Variants in DCDC1 observed in about 807,000 individuals in gnomAD.
The protein encoded by DCDC1 is doublecortin domain-containing protein 1.
Under a neutral mutation model 178.3 loss-of-function variants are expected in DCDC1, and 200 were observed. That is an observed-to-expected ratio of 1.12 (90% CI 1.00 to 1.26). The LOEUF is 1.26. DCDC1 is among the 50% of genes most tolerant of loss of function. The pLI, the probability that DCDC1 is intolerant of heterozygous loss-of-function variation, is 0.00. For missense variants in DCDC1, 1,983 were observed against 1,749.2 expected (o/e 1.13, Z -2.38); for synonymous variants, 690 against 604.8 (o/e 1.14, Z -2.07).
intron 25 of DCDC1, among the ~76,000 whole-genome samples, chr11:30,919,976 G>A (rs909389632): frequency 6.6e-6 from 1 of 152,166 alleles, no homozygotes; most frequent in Non-Finnish European, 1.5e-5. Flanking sequence ...ACATTGCCAC[G>A]TACAGTCATT....
At chr11:30,892,597 A>G (rs1943882060) in intron 36 of DCDC1, among the ~76,000 whole-genome samples, 1 of 152,210 alleles carries the variant, frequency 6.6e-6, no homozygotes, top group Non-Finnish European at 1.5e-5. Context: ...CAAGTTGCCT[A>G]TTCAGATTCA....
chr11:31,103,566 T>C, intron 14 of DCDC1, 78 bp downstream of exon 14: 1 of 635,518 alleles, frequency 1.6e-6, no homozygotes, highest in Non-Finnish European at 2.8e-6. Flanking sequence ...GTTTCGAATC[T>C]CTTACTCTGA....
intron 17 of DCDC1, among the ~76,000 whole-genome samples, chr11:31,086,568 G>A (rs1957487902): frequency 6.6e-6 from 1 of 152,078 alleles, no homozygotes; most frequent in Non-Finnish European, 1.5e-5. Context: ...GTAACTTGTC[G>A]ATTTTTATTT....
intron 10 of DCDC1, among the ~76,000 whole-genome samples, chr11:31,137,172 A>C (rs1963235410): frequency 1.3e-5 from 2 of 152,098 alleles, no homozygotes; most frequent in Admixed American, 6.5e-5. Flanking sequence ...TTTTTCAGAA[A>C]ATTATATTTT....
At chr11:31,143,929 T>TTTGA (rs1964145951) in intron 9 of DCDC1, among the ~76,000 whole-genome samples, 1 of 152,164 alleles carries the variant, frequency 6.6e-6, no homozygotes, top group African/African-American at 2.4e-5. Context: ...ATGACGCTAC[T>TTTGA]TTGATCACAG....
chr11:30,867,071 A>T (rs891773902), intron 38 of DCDC1, among the ~76,000 whole-genome samples: 8 of 152,186 alleles, frequency 5.3e-5, no homozygotes, highest in African/African-American at 1.9e-4. Flanking sequence ...TGGGTTGGGC[A>T]TCCAAATGTA....
chr11:31,170,919 C>T (rs2136220481), intron 9 of DCDC1, among the ~76,000 whole-genome samples: 1 of 152,152 alleles, frequency 6.6e-6, no homozygotes, highest in South Asian at 2.1e-4. Context: ...AACCTTGCCT[C>T]CCGGGTTCAA....
intron 9 of DCDC1, among the ~76,000 whole-genome samples, chr11:31,216,680 T>C (rs946151784): frequency 6.6e-6 from 1 of 152,200 alleles, no homozygotes; most frequent in African/African-American, 2.4e-5. Context: ...CCTCCAGCCA[T>C]CCCAATGCTT....
chr11:31,214,487 G>A (rs969203183), intron 9 of DCDC1, among the ~76,000 whole-genome samples: 1 of 152,060 alleles, frequency 6.6e-6, no homozygotes, highest in Non-Finnish European at 1.5e-5. Context: ...ATTATCAGTG[G>A]GCCTGAGATG....
At chr11:31,207,157 G>T (rs536903710) in intron 9 of DCDC1, among the ~76,000 whole-genome samples, 1 of 152,168 alleles carries the variant, frequency 6.6e-6, no homozygotes, top group Admixed American at 6.6e-5. Flanking sequence ...GATAATAATA[G>T]AACCTGTAAA....
Position 30,999,698 on chromosome 11 carries a change from T to A in DCDC1, c.2592-47130A>T, listed in dbSNP as rs1397244369. On this transcript the variant is annotated intron_variant, in intron 20 of 38. Coordinates refer to ENST00000684477, the MANE Select transcript of DCDC1 (RefSeq NM_001387274.1). ...TAAGGAGTTTGGACAATGCGACTCT[T>A]ACACATCACTTCCATCTTAAAAAGG... 2.0e-5 allele frequency among the ~76,000 whole-genome samples: 3 copies of A among 152,018 alleles called. No individual in the cohort carries two copies. In the East Asian group the frequency reaches 5.8e-4, roughly 29 times the overall value.
intron 8 of DCDC1, among the ~76,000 whole-genome samples, chr11:31,263,651 G>A (rs1488604805): frequency 6.6e-6 from 1 of 152,180 alleles, no homozygotes; most frequent in East Asian, 1.9e-4. Context: ...GAAACAATAA[G>A]TATCAAACTA....
At chr11:31,207,825 C>A (rs2554051) in intron 9 of DCDC1, among the ~76,000 whole-genome samples, 13,936 of 152,148 alleles carry the variant, frequency 0.092, 1,754 homozygotes, top group African/African-American at 0.28. Context: ...CTCACCACAC[C>A]GTCCAAAGTG....
intron 20 of DCDC1, among the ~76,000 whole-genome samples, chr11:30,957,944 A>C (rs1482180391): frequency 6.6e-6 from 1 of 152,206 alleles, no homozygotes; most frequent in Admixed American, 6.5e-5. Flanking sequence ...TAATGGCAGA[A>C]GAACTCAAGC....
At chr11:30,936,072 T>C (rs1947258770) in intron 21 of DCDC1, among the ~76,000 whole-genome samples, 1 of 151,846 alleles carries the variant, frequency 6.6e-6, no homozygotes. Flanking sequence ...TCTTTCCAAG[T>C]CTTAATCAGC....
chr11:30,911,868 CT>C (rs1177120379), intron 27 of DCDC1, among the ~76,000 whole-genome samples: 2 of 152,134 alleles, frequency 1.3e-5, no homozygotes, highest in African/African-American at 2.4e-5. Flanking sequence ...CTGCACCCCC[CT>C]ATATGTTCCA....
chr11:31,333,014 CAA>C (rs1950081372), intron 2 of DCDC1, among the ~76,000 whole-genome samples: 1 of 152,164 alleles, frequency 6.6e-6, no homozygotes, highest in Non-Finnish European at 1.5e-5. Context: ...GTGTGAGAGT[CAA>C]AGTCTCTTTG....
intron 15 of DCDC1, among the ~76,000 whole-genome samples, chr11:31,098,512 T>G (rs1958297550): frequency 6.6e-6 from 1 of 152,296 alleles, no homozygotes; most frequent in Non-Finnish European, 1.5e-5. Flanking sequence ...AATAGGAAAT[T>G]TAAAAGAACA....
chr11:31,346,372 G>A (rs1389086733), intron 1 of DCDC1, among the ~76,000 whole-genome samples: 3 of 150,142 alleles, frequency 2.0e-5, no homozygotes, highest in African/African-American at 4.9e-5. Context: ...GCTGAGGCAG[G>A]AGAATTGCTT....
Sources: gnomAD v4.1 joint callset for allele counts (sites outside exome capture counted in the v4.1 genomes callset) on GRCh38, gnomAD v4.1.1 for gene constraint, MANE v1.5 for transcripts, NCBI Gene and HGNC (gene_info 2026-07-23, HGNC 2026-07-21) for gene names.